The following TNKS2 variants were observed in gnomAD, a reference collection of about 807,000 sequenced individuals.
TNKS2 encodes the protein poly [ADP-ribose] polymerase tankyrase-2.
Under a neutral mutation model 137.6 loss-of-function variants are expected in TNKS2, and 72 were observed. That is an observed-to-expected ratio of 0.52 (90% CI 0.43 to 0.64). TNKS2 has a LOEUF of 0.64. Ranked by LOEUF, TNKS2 falls within the 30% of genes least tolerant of loss-of-function variation. The probability of loss-of-function intolerance (pLI) is 0.00; values close to 1 mark genes in which losing one functional copy is unlikely to be tolerated. For missense variants in TNKS2, 1,049 were observed against 1,410.2 expected, an observed-to-expected ratio of 0.74 and a Z score of 4.10; for synonymous variants, 516 against 512.1, an observed-to-expected ratio of 1.01 and a Z score of -0.10.
chr10:91,819,399 A>AT (rs532069004), intron 4 of TNKS2, 83 bp from the exon 5 acceptor site: 1,846 of 1,340,624 alleles, frequency 1.4e-3, no homozygotes, highest in South Asian at 2.4e-3. Context: ...TTTAAAAAGA[A>AT]TTTTTTTTTA....
chr10:91,850,684 A>G (rs1004065179), intron 20 of TNKS2, among the ~76,000 whole-genome samples: 75 of 152,166 alleles, frequency 4.9e-4, no homozygotes, highest in Non-Finnish European at 1.9e-4. Flanking sequence ...GCACTTTTGC[A>G]CTCCAGCCTT....
chr10:91,830,678 A>G (rs1845217362), intron 9 of TNKS2, among the ~76,000 whole-genome samples: 1 of 152,244 alleles, frequency 6.6e-6, no homozygotes, highest in Non-Finnish European at 1.5e-5. Context: ...TTTTTCAAAG[A>G]TACAGGACAA....
At chr10:91,831,452 C>T (rs1378406143) in intron 11 of TNKS2, among the ~76,000 whole-genome samples, 1 of 152,104 alleles carries the variant, frequency 6.6e-6, no homozygotes, top group African/African-American at 2.4e-5. Context: ...TTCTTAAGGA[C>T]TTTTCTGACC....
chr10:91,805,791 T>C (rs1404944422), intron 1 of TNKS2, among the ~76,000 whole-genome samples: 2 of 152,240 alleles, frequency 1.3e-5, no homozygotes, highest in Non-Finnish European at 2.9e-5. Flanking sequence ...TTTATTTTGA[T>C]TCTTTTTCTC....
intron 12 of TNKS2, among the ~76,000 whole-genome samples, chr10:91,835,321 G>A (rs1480901180): frequency 4.7e-5 from 6 of 127,122 alleles, no homozygotes; most frequent in South Asian, 2.4e-4. Context: ...GCAGGGTCTC[G>A]CACTGTCGCC....
intron 24 of TNKS2, 38 bp downstream of exon 24, chr10:91,857,568 A>G (rs762829282): frequency 7.3e-7 from 1 of 1,362,706 alleles, no homozygotes; most frequent in Non-Finnish European, 1.0e-6. Flanking sequence ...ACTGTCTTCC[A>G]CATTAGGATA....
chr10:91,829,614 C>T (rs922262103), intron 9 of TNKS2, among the ~76,000 whole-genome samples: 5 of 152,130 alleles, frequency 3.3e-5, no homozygotes, highest in Admixed American at 1.3e-4. Context: ...TCTCTGCGCT[C>T]TCATGATAGG....
intron 7 of TNKS2, among the ~76,000 whole-genome samples, chr10:91,822,759 T>C (rs1478331949): frequency 6.6e-6 from 1 of 152,012 alleles, no homozygotes; most frequent in Non-Finnish European, 1.5e-5. Flanking sequence ...AGTTTCACCA[T>C]GTTGGCCAGG....
At position 91,848,526 on chromosome 10, in the gene TNKS2, C is replaced by A. The variant is rs1265975000; in HGVS notation, c.2502C>A (p.Ser834Arg). ...ALSSGPSSPS[S>R]LSAASSLDNL... The stretch of plus-strand genomic sequence containing the variant: ...CTTCAGGTCCATCTAGCCCATCAAG[C>A]CTTTCTGCAGCCAGCAGTCTTGACA... The change falls in exon 19 of 27, where the codon AGC (serine) becomes AGA (arginine). Residue 834 changes from serine (S) to arginine (R), a missense_variant. Physicochemically the swap from Ser to Arg is moderately radical, Grantham distance 110. This residue lies in a region of TNKS2 where 208 missense variants were observed against 231.2 expected (regional missense o/e 0.90). Coordinates refer to ENST00000371627, the MANE Select transcript of TNKS2 (RefSeq NM_025235.4). 6.2e-7 allele frequency: 1 copy of A among 1,614,138 alleles called. No individual in the cohort carries two copies. The highest frequency in any genetic ancestry group is 2.2e-5 in the East Asian group (1 of 44,864).
intron 21 of TNKS2, among the ~76,000 whole-genome samples, chr10:91,851,936 AG>A (rs2133673433): frequency 6.6e-6 from 1 of 152,252 alleles, no homozygotes; most frequent in East Asian, 1.9e-4. Context: ...GGGTATAAAA[AG>A]GTGAATTGTG....
At position 91,855,695 on chromosome 10, in the gene TNKS2, A is replaced by G. The variant is rs1314778082; in HGVS notation, c.2988+7A>G. On this transcript the variant is annotated splice_region_variant and intron_variant, in intron 23 of 26. Transcript: ENST00000371627. ...CAGATACAATATTCTCAAGGTAATA[A>G]ATTAGTGAAAGTAAAGTTTTCTGAG... The G allele has an allele frequency of 4.4e-6, 7 of 1,603,730 alleles. No individual in the cohort carries two copies. The South Asian group carries it at 7.8e-5, about 18-fold the overall frequency.
At chr10:91,819,450 T>G in intron 4 of TNKS2, 32 bp from the exon 5 acceptor site, 1 of 1,538,610 alleles carries the variant, frequency 6.5e-7, no homozygotes, top group Non-Finnish European at 8.7e-7. Context: ...TGATGAAGAA[T>G]GCAAATTACT....
chr10:91,850,971 G>A (rs915349778), intron 20 of TNKS2, among the ~76,000 whole-genome samples: 1 of 152,258 alleles, frequency 6.6e-6, no homozygotes, highest in Non-Finnish European at 1.5e-5. Context: ...TGGATGTAGA[G>A]TGATGGTAGA....
In TNKS2 at chr10:91,827,209, T is replaced by C; in HGVS notation, c.982+6T>C. ...GTTAAAAGAAAGATTAGCATGTGAG[T>C]ATAAAATTATGAATGTTCAGGTAGG... On this transcript the variant is annotated splice_donor_region_variant and intron_variant, in intron 8 of 26. Coordinates refer to ENST00000371627, the MANE Select transcript of TNKS2 (RefSeq NM_025235.4). The C allele has an allele frequency of 6.6e-7, 1 of 1,512,560 alleles. No individual in the cohort carries two copies. The highest frequency in any genetic ancestry group is 2.1e-5 in the Admixed American group (1 of 46,778). The allele number at this position is 1,512,560 out of a possible 1,614,324, so 93.7% of individuals were successfully genotyped here.
At chr10:91,807,523 G>A (rs562247301) in intron 1 of TNKS2, 98 of 1,266,518 alleles carry the variant, frequency 7.7e-5, no homozygotes, top group Admixed American at 3.8e-4. Flanking sequence ...GTCGCCAACC[G>A]ACGCGAGTCC....
chr10:91,819,452 C>A, intron 4 of TNKS2, 30 bp from the exon 5 acceptor site: 4 of 1,533,688 alleles, frequency 2.6e-6, no homozygotes, highest in East Asian at 2.4e-5. Flanking sequence ...ATGAAGAATG[C>A]AAATTACTAA....
chr10:91,827,028 T>C lies in TNKS2; in HGVS notation c.807T>C (p.Cys269=), dbSNP rs773120819. 4.9e-5 allele frequency: 77 copies of C among 1,579,058 alleles called. No homozygotes were observed. The highest frequency in any genetic ancestry group is 6.1e-5 in the Non-Finnish European group (71 of 1,164,136). The change falls in exon 8 of 27, where the codon TGT becomes TGC. Residue 269 remains cysteine (C), a synonymous_variant. Transcript: ENST00000371627. The part of the protein sequence containing the change: ...VTELLVKHGA[C]VNAMDLWQFT... ...TTTTTGCTCTCCAGCATGGTGCCTG[T>C]GTAAATGCAATGGACTTGTGGCAAT...
rs964986195 is a variant in TNKS2, at chr10:91,814,104, A to G, written c.424+897A>G. ...AGGACGTGTTCCAGAAGAAGACATT[A>G]TTATAGGAGATGACAGCTCCCTGTA... On this transcript the variant is annotated intron_variant, in intron 2 of 26. Transcript: ENST00000371627. Among the ~76,000 whole-genome samples, 18 of 152,290 alleles carry G rather than the reference A, an allele frequency of 1.2e-4. 1 individual carries two copies. The South Asian group carries it at 3.7e-3, about 32-fold the overall frequency.
chr10:91,857,709 A>G (rs1564631162), intron 24 of TNKS2, among the ~76,000 whole-genome samples, 179 bp downstream of exon 24: 1 of 152,208 alleles, frequency 6.6e-6, no homozygotes, highest in Non-Finnish European at 1.5e-5. Context: ...GTATTTTATA[A>G]TGGATTGTTT....
Sources: gnomAD v4.1 joint callset for allele counts (sites outside exome capture counted in the v4.1 genomes callset) on GRCh38, gnomAD v4.1.1 for gene constraint, gnomAD v4.1.1 regional missense constraint, MANE v1.5 for transcripts, NCBI Gene and HGNC (gene_info 2026-07-23, HGNC 2026-07-21) for gene names.